The following ODR4 variants were observed in gnomAD, a reference collection of about 807,000 sequenced individuals.
ODR4 encodes the protein odr-4 GPCR localization factor homolog.
ODR4 carries 47 observed loss-of-function variants against 60.2 expected under a neutral mutation model. That is an observed-to-expected ratio of 0.78 (90% CI 0.62 to 1.00). The LOEUF (loss-of-function observed/expected upper bound fraction) is 1.00, where lower values mean the gene tolerates loss of function less well. ODR4 is among the 50% of genes least tolerant of loss of function. The probability of loss-of-function intolerance (pLI) is 0.00; values close to 1 mark genes in which losing one functional copy is unlikely to be tolerated. For missense variants in ODR4, 488 were observed against 530.8 expected (o/e 0.92, Z 0.79); for synonymous variants, 178 against 175.5 (o/e 1.01, Z -0.11).
chr1:186,382,320 G>A (rs917588186), intron 2 of ODR4, among the ~76,000 whole-genome samples: 19 of 151,488 alleles, frequency 1.3e-4, no homozygotes, highest in African/African-American at 3.9e-4. Flanking sequence ...CTACTTGGGA[G>A]ACTACTTGGG....
intron 9 of ODR4, among the ~76,000 whole-genome samples, chr1:186,396,727 A>AGATAGATG (rs1158785266): frequency 2.0e-5 from 3 of 150,868 alleles, no homozygotes; most frequent in African/African-American, 7.3e-5. Context: ...AATTATAGAT[A>AGATAGATG]GATAGATAGA....
intron 12 of ODR4, among the ~76,000 whole-genome samples, chr1:186,413,643 C>G (rs1661450876): frequency 6.6e-6 from 1 of 152,078 alleles, no homozygotes; most frequent in Admixed American, 6.5e-5. Context: ...TTGCCAATAT[C>G]AGAGCTGAGA....
At chr1:186,397,816 G>A (rs1660761296) in intron 9 of ODR4, among the ~76,000 whole-genome samples, 1 of 152,176 alleles carries the variant, frequency 6.6e-6, no homozygotes, top group Non-Finnish European at 1.5e-5. Flanking sequence ...AAGAGGATGG[G>A]ACTAGTCTAT....
At chr1:186,391,264 A>C (rs1160650848) in intron 7 of ODR4, among the ~76,000 whole-genome samples, 1 of 150,014 alleles carries the variant, frequency 6.7e-6, no homozygotes, top group Non-Finnish European at 1.5e-5. Context: ...TCCTTTTTCC[A>C]GTTCTTTTTT....
intron 11 of ODR4, among the ~76,000 whole-genome samples, chr1:186,404,208 A>G (rs1445548007): frequency 1.3e-5 from 2 of 152,182 alleles, no homozygotes; most frequent in African/African-American, 4.8e-5. Flanking sequence ...GGATATTCCT[A>G]AAGGATTCTG....
At position 186,421,371 on chromosome 1, in the gene ODR4, A is replaced by G. The variant is rs1661769534; in HGVS notation, c.*2295A>G. 6.6e-6 allele frequency: 1 copy of G among 152,208 alleles called. No homozygotes were observed. The highest frequency in any genetic ancestry group is 2.1e-4 in the South Asian group (1 of 4,834). The allele number at this position is 152,208 out of a possible 1,614,324, so 9.4% of individuals were successfully genotyped here. On this transcript the variant is annotated 3_prime_UTR_variant, in exon 14 of 14. Transcript: ENST00000287859. Reference sequence around the variant, plus strand: ...AACTAAATAAACATTGTTATGCAACATTAATAATGTGGAATTTTTAAATAA... The same window carrying G: ...AACTAAATAAACATTGTTATGCAACGTTAATAATGTGGAATTTTTAAATAA...
In ODR4 at chr1:186,419,109, A is replaced by G. The variant is rs757390100; in HGVS notation, c.*33A>G. On this transcript the variant is annotated 3_prime_UTR_variant, in exon 14 of 14. Transcript: ENST00000287859. ...CACAAAGAGTTTCTTGATCATCCAG[A>G]GAACATTGACAGACAATTATGAATA... is the stretch of plus-strand genomic sequence containing the variant. 2 of 1,544,020 alleles carry G rather than the reference A, an allele frequency of 1.3e-6. No homozygotes were observed. The highest frequency in any genetic ancestry group is 1.1e-5 in the South Asian group (1 of 87,484).
chr1:186,402,456 A>G (rs984043475), intron 11 of ODR4, among the ~76,000 whole-genome samples: 6 of 151,124 alleles, frequency 4.0e-5, no homozygotes, highest in Non-Finnish European at 7.4e-5. Flanking sequence ...CTGGAATGCA[A>G]TAATGCAGTT....
Position 186,406,200 on chromosome 1 carries a change from A to G in ODR4, c.1118A>G (p.His373Arg). Residue 373 changes from histidine to arginine, a missense_variant, in exon 12 of 14, where the codon CAT becomes CGT. Physicochemically the swap from His to Arg is conservative, Grantham distance 29 (BLOSUM62 0). Coordinates refer to ENST00000287859, the MANE Select transcript of ODR4 (RefSeq NM_017847.6). ...GAGTCAGCTGAAGAAATCAGGGACC[A>G]TTTTATGGAGATGTTGGATCACACA... ...DDESAEEIRD[H>R]FMEMLDHTIQ... The G allele has an allele frequency of 1.2e-6, 2 of 1,612,052 alleles. No individual in the cohort carries two copies. Among genetic ancestry groups the G allele is most frequent in the Non-Finnish European group, 1.7e-6 (2 of 1,179,032 alleles).
chr1:186,419,280 A>G lies in ODR4; in HGVS notation c.*204A>G. The G allele has an allele frequency of 1.8e-6, 1 of 567,184 alleles. No homozygotes were observed. The highest frequency in any genetic ancestry group is 2.9e-5 in the East Asian group (1 of 34,700). The allele number at this position is 567,184 out of a possible 1,614,324, so 35.1% of individuals were successfully genotyped here. ...TACATTGTAGGTGGCCCGCATTTCC[A>G]GAAATAACGTTATGCATCTAGATGG... On this transcript the variant is annotated 3_prime_UTR_variant, in exon 14 of 14. Transcript: ENST00000287859.
At chr1:186,393,025 A>C (rs1257645676) in intron 8 of ODR4, among the ~76,000 whole-genome samples, 6 of 152,170 alleles carry the variant, frequency 3.9e-5, no homozygotes, top group Non-Finnish European at 7.4e-5. Flanking sequence ...GAAAAGGAAA[A>C]GAAGAAAACT....
At chr1:186,402,073 TTCTC>T (rs1359335944) in intron 11 of ODR4, among the ~76,000 whole-genome samples, 1 of 151,968 alleles carries the variant, frequency 6.6e-6, no homozygotes, top group Admixed American at 6.5e-5. Flanking sequence ...CTGTCTTCTT[TTCTC>T]TCTCTCTCTT....
chr1:186,403,475 A>T (rs1661062677), intron 11 of ODR4, among the ~76,000 whole-genome samples: 1 of 152,068 alleles, frequency 6.6e-6, no homozygotes, highest in Non-Finnish European at 1.5e-5. Flanking sequence ...ATATACTGGT[A>T]AGATCTTATA....
rs1042769672 is a variant in ODR4 at position 186,420,931 on chromosome 1, A to C, written c.*1855A>C. ...CCAAACATATATTTAAATAAAATCC[A>C]GGCCTAGACTCAAGGTATTGTAAAT... is the stretch of plus-strand genomic sequence containing the variant. On this transcript the variant is annotated 3_prime_UTR_variant, in exon 14 of 14. Transcript: ENST00000287859. The C allele has an allele frequency of 6.6e-6, 1 of 152,222 alleles. No individual in the cohort carries two copies. Among genetic ancestry groups the C allele is most frequent in the Non-Finnish European group, 1.5e-5 (1 of 68,034 alleles). The allele number at this position is 152,222 out of a possible 1,614,324, so 9.4% of individuals were successfully genotyped here.
At chr1:186,413,722 T>A (rs1661453225) in intron 12 of ODR4, among the ~76,000 whole-genome samples, 1 of 152,186 alleles carries the variant, frequency 6.6e-6, no homozygotes, top group Admixed American at 6.5e-5. Context: ...AAGATATAAT[T>A]TTATGGCTAC....
chr1:186,428,624 C>T, the ODR4 span, among the ~76,000 whole-genome samples: 2 of 152,348 alleles, frequency 1.3e-5, no homozygotes, highest in South Asian at 2.1e-4. Context: ...AGAGGCTTAG[C>T]TTTCAGCCCG....
chr1:186,396,950 T>C (rs1463223899), intron 9 of ODR4, among the ~76,000 whole-genome samples: 1 of 152,186 alleles, frequency 6.6e-6, no homozygotes, highest in Non-Finnish European at 1.5e-5. Context: ...ACCTTATTGA[T>C]GTATCAATGA....
At chr1:186,402,831 C>A (rs1199497290) in intron 11 of ODR4, among the ~76,000 whole-genome samples, 1 of 152,068 alleles carries the variant, frequency 6.6e-6, no homozygotes, top group Non-Finnish European at 1.5e-5. Flanking sequence ...TGGCCCCAAG[C>A]AGTCCTCCCA....
intron 11 of ODR4, among the ~76,000 whole-genome samples, chr1:186,399,674 AT>A (rs1022282442): frequency 6.6e-6 from 1 of 152,118 alleles, no homozygotes; most frequent in Admixed American, 6.5e-5. Context: ...ATCTATGAGT[AT>A]TTTAAATAAT....
Sources: allele counts gnomAD v4.1 joint callset (sites outside exome capture counted in the v4.1 genomes callset), GRCh38; gene constraint gnomAD v4.1.1; transcripts MANE v1.5; gene names NCBI Gene and HGNC (gene_info 2026-07-23, HGNC 2026-07-21).